The following PRKCB variants were observed in gnomAD, a reference collection of about 807,000 sequenced individuals.
The protein encoded by PRKCB is protein kinase C beta.
Under a neutral mutation model 81.5 loss-of-function variants are expected in PRKCB, and 13 were observed. That is an observed-to-expected ratio of 0.16 (90% confidence interval 0.10 to 0.25). The LOEUF is 0.25. Ranked by LOEUF, PRKCB falls within the 10% of genes least tolerant of loss-of-function variation. The pLI is 1.00. For missense variants in PRKCB, 509 were observed against 875.7 expected (o/e 0.58, Z 5.29); for synonymous variants, 335 against 321.4 (o/e 1.04, Z -0.45).
At chr16:24,010,195 G>A (rs1343673723) in intron 3 of PRKCB, among the ~76,000 whole-genome samples, 2 of 152,174 alleles carry the variant, frequency 1.3e-5, no homozygotes, top group Non-Finnish European at 2.9e-5. Context: ...CCACAGGCAT[G>A]TCCCATTGGC....
At chr16:23,903,606 TG>T (rs1195700089) in intron 2 of PRKCB, among the ~76,000 whole-genome samples, 7 of 152,166 alleles carry the variant, frequency 4.6e-5, no homozygotes, top group African/African-American at 1.4e-4. Context: ...CTTTTAACTA[TG>T]GGTTTTGGAT....
intron 2 of PRKCB, among the ~76,000 whole-genome samples, chr16:23,962,119 GC>G (rs1964434248): frequency 6.6e-6 from 1 of 152,156 alleles, no homozygotes; most frequent in East Asian, 1.9e-4. Context: ...ACTCCTGCCT[GC>G]CTGAGTAGGA....
chr16:24,217,558 C>T lies in PRKCB; in HGVS notation c.*2742C>T, dbSNP rs969221592. The T allele has an allele frequency of 4.2e-5, 41 of 985,302 alleles. No individual in the cohort carries two copies. The highest frequency in any genetic ancestry group is 4.5e-5 in the Non-Finnish European group (37 of 829,950). 61.0% of individuals were successfully genotyped at this position (985,302 alleles called of 1,614,324 possible). A position where few individuals can be genotyped will look rare whatever the true frequency, so the allele number is the denominator to read the frequency against. On this transcript the variant is annotated 3_prime_UTR_variant, in exon 17 of 17. Transcript: ENST00000643927. ...TCTCTCCCAACTTCTACGGTAAAAT[C>T]CAGGAGTATTTTCTCTGGGGATCTG... is the stretch of plus-strand genomic sequence containing the variant.
chr16:23,893,282 A>G (rs539225690), intron 2 of PRKCB: 4 of 152,388 alleles, frequency 2.6e-5, no homozygotes, highest in African/African-American at 4.8e-5. Flanking sequence ...GAGCCAATAA[A>G]TTGGCCATGG....
intron 5 of PRKCB, among the ~76,000 whole-genome samples, chr16:24,065,819 G>C (rs1966026104): frequency 6.6e-6 from 1 of 152,108 alleles, no homozygotes; most frequent in African/African-American, 2.4e-5. Context: ...GTCCAGTCTG[G>C]GCAACATCGT....
chr16:24,138,193 C>G (rs1966871586), intron 9 of PRKCB, among the ~76,000 whole-genome samples: 1 of 152,220 alleles, frequency 6.6e-6, no homozygotes. Context: ...TGTTGCCACT[C>G]AGCTCCATAG....
chr16:24,178,557 T>C (rs541891643), intron 12 of PRKCB, among the ~76,000 whole-genome samples: 1 of 152,376 alleles, frequency 6.6e-6, no homozygotes, highest in South Asian at 2.1e-4. Context: ...AGAAATCACA[T>C]ATATCACATA....
chr16:24,129,238 C>T (rs550233591), intron 9 of PRKCB, among the ~76,000 whole-genome samples: 1 of 152,216 alleles, frequency 6.6e-6, no homozygotes, highest in East Asian at 1.9e-4. Context: ...TTCTTGTTCT[C>T]TTATACCCCT....
intron 3 of PRKCB, among the ~76,000 whole-genome samples, chr16:23,997,060 T>G (rs1964967294): frequency 6.6e-6 from 1 of 152,196 alleles, no homozygotes; most frequent in Admixed American, 6.5e-5. Context: ...TCTCCCAGCA[T>G]GGAGGTCTCA....
At chr16:24,129,342 A>C (rs570543552) in intron 9 of PRKCB, among the ~76,000 whole-genome samples, 3 of 152,262 alleles carry the variant, frequency 2.0e-5, no homozygotes, top group African/African-American at 7.2e-5. Flanking sequence ...CTGGTGTGCT[A>C]TAGTGGACAT....
rs1424382495 is a variant in PRKCB, at chr16:23,869,200, CT to C, written c.205+31797del. ...AATCTACTCTACATTTAAACAGAGG[CT>C]TTGAGAAGCTATTGTGTGGTTTAGC... On this transcript the variant is annotated intron_variant, in intron 2 of 16. Coordinates refer to ENST00000643927, the MANE Select transcript of PRKCB (RefSeq NM_002738.7). 6 of 443,684 alleles carry C rather than the reference CT, an allele frequency of 1.4e-5. No homozygotes were observed. In the East Asian group the frequency reaches 3.6e-4, roughly 26 times the overall value. The allele number at this position is 443,684 out of a possible 1,614,324, so 27.5% of individuals were successfully genotyped here.
At position 24,191,105 on chromosome 16, in the gene PRKCB, C is replaced by G; in HGVS notation, c.1738C>G (p.Pro580Ala). ...TCTCTCGAAGCTGATGACCAAACAC[C>G]CAGGCAAACGTCTGGGTTGTGGACC... ...AICKGLMTKH[P>A]GKRLGCGPEG... The change falls in exon 16 of 17, where the codon CCA (proline) becomes GCA (alanine). Residue 580 changes from proline to alanine, a missense_variant. Physicochemically the swap from Pro to Ala is conservative, Grantham distance 27. Around this residue, in one of 6 missense-constraint regions of PRKCB, gnomAD observed 104 missense variants for 160.5 expected, o/e 0.65. Coordinates refer to ENST00000643927, the MANE Select transcript of PRKCB (RefSeq NM_002738.7). 1 of 1,613,752 alleles carries G rather than the reference C, an allele frequency of 6.2e-7. No individual in the cohort carries two copies. The highest frequency in any genetic ancestry group is 1.1e-5 in the South Asian group (1 of 90,982).
chr16:23,883,092 A>G (rs1963148862), intron 2 of PRKCB, among the ~76,000 whole-genome samples: 1 of 152,156 alleles, frequency 6.6e-6, no homozygotes, highest in Non-Finnish European at 1.5e-5. Flanking sequence ...CGTGGCTTAC[A>G]TAGGTCCCCA....
intron 5 of PRKCB, among the ~76,000 whole-genome samples, chr16:24,071,736 T>C (rs2141885223): frequency 6.6e-6 from 1 of 152,028 alleles, no homozygotes; most frequent in Non-Finnish European, 1.5e-5. Flanking sequence ...GGCAGGATCT[T>C]ACAGGGAACA....
intron 3 of PRKCB, among the ~76,000 whole-genome samples, chr16:24,005,763 C>T (rs1965109170): frequency 1.3e-5 from 2 of 152,212 alleles, no homozygotes; most frequent in Non-Finnish European, 2.9e-5. Flanking sequence ...CCTTGATCTT[C>T]AGGGCAAAGG....
At chr16:24,211,466 A>G (rs879005963) in intron 16 of PRKCB, among the ~76,000 whole-genome samples, 2 of 152,194 alleles carry the variant, frequency 1.3e-5, no homozygotes, top group Admixed American at 1.3e-4. Flanking sequence ...CATTTTACAA[A>G]AGAGGAAACT....
chr16:24,011,472 T>C (rs1052916390), intron 3 of PRKCB, among the ~76,000 whole-genome samples: 1 of 152,212 alleles, frequency 6.6e-6, no homozygotes, highest in African/African-American at 2.4e-5. Flanking sequence ...ATCTTGGCTC[T>C]GGTACCTACT....
At chr16:23,965,303 G>A (rs1964473209) in intron 2 of PRKCB, among the ~76,000 whole-genome samples, 1 of 152,212 alleles carries the variant, frequency 6.6e-6, no homozygotes, top group Non-Finnish European at 1.5e-5. Context: ...CTGCGTCCAT[G>A]TTGCAGCAAA....
At chr16:24,057,722 G>T (rs1021000784) in intron 5 of PRKCB, among the ~76,000 whole-genome samples, 1 of 152,118 alleles carries the variant, frequency 6.6e-6, no homozygotes, top group African/African-American at 2.4e-5. Context: ...CAGAGGCAAA[G>T]GCAGTGGACT....
Sources: allele counts gnomAD v4.1 joint callset (sites outside exome capture counted in the v4.1 genomes callset), GRCh38; gene constraint gnomAD v4.1.1; regional missense constraint gnomAD v4.1.1; transcripts MANE v1.5; gene names NCBI Gene and HGNC (gene_info 2026-07-23, HGNC 2026-07-21).